Variants in LINGO2 observed in about 807,000 individuals in gnomAD.
The protein encoded by LINGO2 is leucine rich repeat and Ig domain containing 2, also known as leucine-rich repeat and immunoglobulin-like domain-containing nogo receptor-interacting protein 2.
A neutral mutation model predicts 30.6 loss-of-function variants in LINGO2; 14 were observed. The ratio of observed to expected loss-of-function variants is 0.46; its 90% confidence interval spans 0.30 to 0.72. The LOEUF is 0.72. Ranked by LOEUF, LINGO2 falls within the 30% of genes least tolerant of loss-of-function variation. The pLI, the probability that LINGO2 is intolerant of heterozygous loss-of-function variation, is 0.07. For missense variants in LINGO2, 729 were observed against 751.7 expected, an observed-to-expected ratio of 0.97 and a Z score of 0.35; for synonymous variants, 317 against 288.5, an observed-to-expected ratio of 1.10 and a Z score of -1.00.
At chr9:28,282,101 A>G (rs904859356) in intron 4 of LINGO2, among the ~76,000 whole-genome samples, 2 of 152,138 alleles carry the variant, frequency 1.3e-5, no homozygotes, top group South Asian at 2.1e-4. Flanking sequence ...GTGGAATTTG[A>G]TTAGACTTGG....
the LINGO2 span, among the ~76,000 whole-genome samples, chr9:29,209,768 A>G: frequency 2.0e-5 from 3 of 152,178 alleles, no homozygotes; most frequent in Admixed American, 2.0e-4. Flanking sequence ...TTGGTGACAT[A>G]TTTCAACAAA....
the LINGO2 span, among the ~76,000 whole-genome samples, chr9:28,694,690 G>A: frequency 3.3e-5 from 5 of 151,924 alleles, no homozygotes; most frequent in Non-Finnish European, 7.4e-5. Flanking sequence ...AGTAAGGGCA[G>A]AACTTTAATT....
chr9:28,956,975 A>G, the LINGO2 span, among the ~76,000 whole-genome samples: 1 of 151,906 alleles, frequency 6.6e-6, no homozygotes, highest in South Asian at 2.1e-4. Context: ...CAAACTTCGT[A>G]CTTGCTAAAA....
At chr9:28,931,253 C>T in the LINGO2 span, among the ~76,000 whole-genome samples, 1 of 152,174 alleles carries the variant, frequency 6.6e-6, no homozygotes, top group Admixed American at 6.5e-5. Flanking sequence ...AAACCCTAAA[C>T]AGCATTTATC....
intron 1 of LINGO2, among the ~76,000 whole-genome samples, chr9:28,514,701 C>T (rs949358641): frequency 5.9e-5 from 9 of 152,082 alleles, no homozygotes; most frequent in African/African-American, 1.9e-4. Flanking sequence ...AAAGTGCAAG[C>T]GGAAACATCA....
intron 5 of LINGO2, among the ~76,000 whole-genome samples, chr9:27,972,945 G>A (rs1413830541): frequency 6.6e-6 from 1 of 152,120 alleles, no homozygotes; most frequent in South Asian, 2.1e-4. Context: ...TGAGGGCTCA[G>A]AGACAACAAG....
At chr9:28,933,557 T>C in the LINGO2 span, among the ~76,000 whole-genome samples, 6 of 152,126 alleles carry the variant, frequency 3.9e-5, no homozygotes, top group South Asian at 1.0e-3. Context: ...GAGTACAGGG[T>C]AGCTCCACCA....
chr9:28,318,236 A>G (rs1428362972), intron 3 of LINGO2, among the ~76,000 whole-genome samples: 2 of 152,220 alleles, frequency 1.3e-5, no homozygotes, highest in Non-Finnish European at 2.9e-5. Context: ...CACTGTTTCT[A>G]TAGAACTGAA....
intron 1 of LINGO2, among the ~76,000 whole-genome samples, chr9:28,621,134 G>T (rs1222565843): frequency 6.6e-6 from 1 of 151,684 alleles, no homozygotes; most frequent in Non-Finnish European, 1.5e-5. Flanking sequence ...CAGAAAATAC[G>T]ACAATGCTCA....
the LINGO2 span, among the ~76,000 whole-genome samples, chr9:28,783,238 T>C: frequency 6.6e-6 from 1 of 152,248 alleles, no homozygotes; most frequent in East Asian, 1.9e-4. Context: ...GAACCGGTTC[T>C]AGAACCCCCT....
chr9:28,328,848 C>T (rs10812781), intron 3 of LINGO2, among the ~76,000 whole-genome samples: 51,044 of 151,952 alleles, frequency 0.34, 9,585 homozygotes, highest in Non-Finnish European at 0.42. Context: ...TACAAGATGT[C>T]AGTAGGTCAC....
intron 1 of LINGO2, among the ~76,000 whole-genome samples, chr9:28,551,204 A>G (rs910014723): frequency 2.6e-5 from 4 of 151,928 alleles, no homozygotes; most frequent in Admixed American, 1.3e-4. Context: ...AAATAAAACT[A>G]GAATATCTGA....
intron 4 of LINGO2, among the ~76,000 whole-genome samples, chr9:28,224,920 A>C (rs902613160): frequency 2.6e-5 from 4 of 152,190 alleles, no homozygotes; most frequent in African/African-American, 9.7e-5. Flanking sequence ...AAAAACAGAC[A>C]CATAGACCAA....
chr9:28,038,495 C>T (rs1824047900), intron 4 of LINGO2, among the ~76,000 whole-genome samples: 1 of 152,112 alleles, frequency 6.6e-6, no homozygotes, highest in Admixed American at 6.5e-5. Flanking sequence ...AGATCGAGAC[C>T]ATCCCGGCTA....
chr9:28,293,539 T>G (rs369533297), intron 4 of LINGO2, among the ~76,000 whole-genome samples: 2 of 152,298 alleles, frequency 1.3e-5, no homozygotes, highest in East Asian at 3.9e-4. Context: ...CCTATGCAGT[T>G]GAAAAGAATG....
At chr9:28,837,395 C>T in the LINGO2 span, among the ~76,000 whole-genome samples, 1 of 151,736 alleles carries the variant, frequency 6.6e-6, no homozygotes, top group South Asian at 2.1e-4. Flanking sequence ...CCTATAATCT[C>T]AGCACTTTGG....
At chr9:28,172,263 C>T (rs1431415088) in intron 4 of LINGO2, among the ~76,000 whole-genome samples, 3 of 148,254 alleles carry the variant, frequency 2.0e-5, no homozygotes, top group East Asian at 2.0e-4. Flanking sequence ...TAGTGGCGGG[C>T]GCCTGTAGTC....
chr9:28,748,235 C>G, the LINGO2 span, among the ~76,000 whole-genome samples: 1 of 151,920 alleles, frequency 6.6e-6, no homozygotes, highest in African/African-American at 2.4e-5. Flanking sequence ...AAATTACAGA[C>G]TCTTTGGTTG....
intron 4 of LINGO2, among the ~76,000 whole-genome samples, chr9:28,070,459 GTTTA>G (rs1825440875): frequency 1.3e-5 from 2 of 152,074 alleles, no homozygotes; most frequent in Non-Finnish European, 2.9e-5. Flanking sequence ...AATCATTTCA[GTTTA>G]TTTGATTGTC....
Sources: allele counts gnomAD v4.1 joint callset (sites outside exome capture counted in the v4.1 genomes callset), GRCh38; gene constraint gnomAD v4.1.1; transcripts MANE v1.5; gene names NCBI Gene and HGNC (gene_info 2026-07-23, HGNC 2026-07-21).